The following IQANK1 variants were observed in gnomAD, a reference collection of about 807,000 sequenced individuals.
IQANK1 encodes IQ motif and ankyrin repeat containing 1.
IQANK1 carries 30 observed loss-of-function variants against 22.6 expected under a neutral mutation model. The ratio of observed to expected loss-of-function variants is 1.33; its 90% confidence interval spans 0.99 to 1.80. IQANK1 has a LOEUF of 1.80. IQANK1 is among the 40% of genes most tolerant of loss of function. The pLI, the probability that IQANK1 is intolerant of heterozygous loss-of-function variation, is 0.00. For missense variants in IQANK1, 275 were observed against 235.2 expected, an observed-to-expected ratio of 1.17 and a Z score of -1.11; for synonymous variants, 122 against 99.6, an observed-to-expected ratio of 1.23 and a Z score of -1.34.
intron 3 of IQANK1, chr8:143,742,235 C>T (rs1818936182): frequency 1.6e-5 from 6 of 384,834 alleles, no homozygotes; most frequent in Middle Eastern, 3.9e-4. Context: ...CACTGGTGTC[C>T]GGAGTCAGTG....
chr8:143,771,920 C>A lies in IQANK1; in HGVS notation c.426C>A (p.Ala142=). The part of the protein sequence containing the change: ...ELQRRRRLLD[A]AFDGDVGEIR... ...AGCGTCGCCGCCGCCTGCTGGACGC[C>A]GCCTTCGACGGGGACGTGGGCGAGA... The change falls in exon 5 of 14, where the codon GCC becomes GCA. Residue 142 remains alanine (A), a synonymous_variant. Transcript: ENST00000527139. This position sits in a 1 kb window ranked among gnomAD's most constrained non-coding sequence, Gnocchi z 6.0. 1 of 392,850 alleles carries A rather than the reference C, an allele frequency of 2.5e-6. No individual in the cohort carries two copies. Among genetic ancestry groups the A allele is most frequent in the Non-Finnish European group, 4.5e-6 (1 of 223,238 alleles). 24.3% of individuals were successfully genotyped at this position (392,850 alleles called of 1,614,324 possible).
At chr8:143,775,626 G>GTGGTGGGC (rs1159943860) in intron 7 of IQANK1, among the ~76,000 whole-genome samples, 1 of 152,082 alleles carries the variant, frequency 6.6e-6, no homozygotes, top group Non-Finnish European at 1.5e-5. Context: ...GCTGGGCGTG[G>GTGGTGGGC]TGGTGGGCAC....
chr8:143,741,873 C>G (rs1267169505), intron 3 of IQANK1: 4 of 162,754 alleles, frequency 2.5e-5, no homozygotes, highest in African/African-American at 9.6e-5. Flanking sequence ...CCTGCTCTCC[C>G]CACGTCTGGT....
At chr8:143,767,871 C>T (rs1272694539) in intron 3 of IQANK1, among the ~76,000 whole-genome samples, 3 of 124,002 alleles carry the variant, frequency 2.4e-5, no homozygotes, top group African/African-American at 6.2e-5. Flanking sequence ...GACGATGGAG[C>T]GAGACCTTTT....
intron 3 of IQANK1, among the ~76,000 whole-genome samples, chr8:143,753,765 A>C (rs1027143995): frequency 1.7e-4 from 26 of 152,066 alleles, no homozygotes; most frequent in African/African-American, 6.3e-4. Flanking sequence ...TTTCAGAGAT[A>C]GTTTCTGTTG....
At chr8:143,747,522 A>G (rs782404643) in intron 3 of IQANK1, among the ~76,000 whole-genome samples, 1 of 152,028 alleles carries the variant, frequency 6.6e-6, no homozygotes, top group South Asian at 2.1e-4. Context: ...CCCCCTTAGC[A>G]CTGCTTTTGC....
intron 3 of IQANK1, among the ~76,000 whole-genome samples, chr8:143,765,041 A>C (rs1819460581): frequency 6.6e-6 from 1 of 152,178 alleles, no homozygotes; most frequent in Non-Finnish European, 1.5e-5. Flanking sequence ...AAAAAATAAA[A>C]AATAAAAATT....
chr8:143,736,920 T>A (rs1818754404), intron 2 of IQANK1, among the ~76,000 whole-genome samples: 1 of 151,938 alleles, frequency 6.6e-6, no homozygotes, highest in Non-Finnish European at 1.5e-5. Flanking sequence ...TGCACTGGGG[T>A]CTGTGCTTGC....
intron 3 of IQANK1, among the ~76,000 whole-genome samples, chr8:143,747,977 T>TCCCTTC (rs1478933242): frequency 7.1e-6 from 1 of 140,054 alleles, no homozygotes; most frequent in Non-Finnish European, 1.5e-5. Context: ...CCTTTCCCTT[T>TCCCTTC]CCTTTCCCTT....
rs368310907 is a variant in IQANK1 at position 143,735,613 on chromosome 8, G to C, written c.-4-237G>C. 6.6e-6 allele frequency among the ~76,000 whole-genome samples: 1 copy of C among 152,096 alleles called. No homozygotes were observed. The highest frequency in any genetic ancestry group is 1.5e-5 in the Non-Finnish European group (1 of 67,994). ...TGGGGCGGAGGGGCAGGCAAGCCACGGCCAGGGGGACGGGAGGTGGCCAAG... is the reference window on the plus strand; with the variant it reads ...TGGGGCGGAGGGGCAGGCAAGCCACCGCCAGGGGGACGGGAGGTGGCCAAG... On this transcript the variant is annotated intron_variant, in intron 1 of 13. Transcript: ENST00000527139. This position sits in a 1 kb window ranked among gnomAD's most constrained non-coding sequence, Gnocchi z 5.2.
intron 7 of IQANK1, among the ~76,000 whole-genome samples, chr8:143,772,899 GC>G (rs1408706532): frequency 6.6e-6 from 1 of 152,212 alleles, no homozygotes; most frequent in Non-Finnish European, 1.5e-5. Context: ...GCAGCACGGG[GC>G]CCACCCATCG....
At chr8:143,739,797 C>T (rs782408949) in intron 2 of IQANK1, 62 bp from the exon 3 acceptor site, 5 of 653,900 alleles carry the variant, frequency 7.6e-6, no homozygotes, top group African/African-American at 1.8e-5. Flanking sequence ...ATAAGTGTCT[C>T]TTGAGGCTAA....
At position 143,765,531 on chromosome 8, in the gene IQANK1, C is replaced by G. The variant is rs1454635202; in HGVS notation, c.176-5957C>G. Among the ~76,000 whole-genome samples the G allele has an allele frequency of 1.5e-4, 23 of 152,134 alleles. 1 individual carries two copies. The highest frequency in any genetic ancestry group is 1.5e-3 in the Admixed American group (23 of 15,262). ...AAAGGTTTATTAGCCAATCCATTTT[C>G]CTCTTCTGGGAAATGCCTGTTCATC... On this transcript the variant is annotated intron_variant, in intron 3 of 13. Transcript: ENST00000527139.
intron 7 of IQANK1, among the ~76,000 whole-genome samples, chr8:143,785,704 C>G (rs1264380562): frequency 6.8e-6 from 1 of 147,934 alleles, no homozygotes; most frequent in African/African-American, 2.5e-5. Context: ...AGACTACAGG[C>G]TTGAGCCACC....
intron 3 of IQANK1, among the ~76,000 whole-genome samples, chr8:143,760,841 T>C (rs971981483): frequency 6.6e-6 from 1 of 152,080 alleles, no homozygotes; most frequent in African/African-American, 2.4e-5. Flanking sequence ...TTTTCTGCGC[T>C]CGGCATCGCG....
In IQANK1 at chr8:143,774,618, A is replaced by G. The variant is rs527521514; in HGVS notation, c.789+2136A>G. Among the ~76,000 whole-genome samples the G allele has an allele frequency of 8.0e-4, 122 of 152,320 alleles. 1 individual carries two copies. The highest frequency in any genetic ancestry group is 2.9e-3 in the African/African-American group (119 of 41,580). Reference sequence around the variant, plus strand: ...AGGCGGTTTCTTAAAAAGTGAACACATTTACCATGTAACACAGCATCAGAC... The same window carrying G: ...AGGCGGTTTCTTAAAAAGTGAACACGTTTACCATGTAACACAGCATCAGAC... On this transcript the variant is annotated intron_variant, in intron 7 of 13. Coordinates refer to ENST00000527139, the MANE Select transcript of IQANK1 (RefSeq NM_001381874.1). This position sits in a 1 kb window ranked among gnomAD's most constrained non-coding sequence, Gnocchi z 4.2.
In IQANK1 at chr8:143,771,349, G is replaced by A; in HGVS notation, c.176-139G>A. ...CCTCTGCGGGCGGGAACCCCGGCTC[G>A]GCCGCGCTGGGGGCTTTGAGAGCCG... is the stretch of plus-strand genomic sequence containing the variant. On this transcript the variant is annotated intron_variant, in intron 3 of 13. Coordinates refer to ENST00000527139, the MANE Select transcript of IQANK1 (RefSeq NM_001381874.1). The surrounding 1 kb of genome is among the most constrained non-coding windows in gnomAD (Gnocchi z 6.0). 1 of 389,192 alleles carries A rather than the reference G, an allele frequency of 2.6e-6. No homozygotes were observed. The highest frequency in any genetic ancestry group is 4.5e-6 in the Non-Finnish European group (1 of 220,920). The allele number at this position is 389,192 out of a possible 1,614,324, so 24.1% of individuals were successfully genotyped here.
intron 3 of IQANK1, among the ~76,000 whole-genome samples, chr8:143,763,895 T>C (rs987012633): frequency 2.0e-5 from 3 of 152,346 alleles, no homozygotes; most frequent in African/African-American, 7.2e-5. Context: ...GTTAACCCTC[T>C]TTTAACATAT....
Position 143,771,948 on chromosome 8 carries a change from CG to C in IQANK1, c.457del (p.Ala153ArgfsTer3). 1 of 367,110 alleles carries C rather than the reference CG, an allele frequency of 2.7e-6. No homozygotes were observed. Among genetic ancestry groups the C allele is most frequent in the East Asian group, 3.7e-5 (1 of 26,872 alleles). 22.7% of individuals were successfully genotyped at this position (367,110 alleles called of 1,614,324 possible). A position where few individuals can be genotyped will look rare whatever the true frequency, so the allele number is the denominator to read the frequency against. The part of the protein sequence containing the change: ...AAFDGDVGEI[R>X]AVLKEVEQLL... ...CTTCGACGGGGACGTGGGCGAGATC[CG>C]GGCGGTGCTGAAGGAGGTCAGCGGG... On this transcript the variant is annotated frameshift_variant, in exon 5 of 14. Transcript: ENST00000527139. LOFTEE classifies it high-confidence loss of function. This position sits in a 1 kb window ranked among gnomAD's most constrained non-coding sequence, Gnocchi z 6.0.
Sources: gnomAD v4.1 joint callset for allele counts (sites outside exome capture counted in the v4.1 genomes callset) on GRCh38, gnomAD v4.1.1 for gene constraint, Gnocchi (gnomAD v3.1) non-coding constraint, MANE v1.5 for transcripts, NCBI Gene and HGNC (gene_info 2026-07-23, HGNC 2026-07-21) for gene names.